MARK1: variants seen among roughly 807,000 people sequenced by gnomAD.
MARK1 encodes microtubule affinity regulating kinase 1, also known as serine/threonine-protein kinase MARK1.
MARK1 carries 40 observed loss-of-function variants against 96.3 expected under a neutral mutation model. The ratio of observed to expected loss-of-function variants is 0.42; its 90% confidence interval spans 0.32 to 0.54. MARK1 has a LOEUF of 0.54. MARK1 is among the 20% of genes least tolerant of loss of function. The pLI, the probability that MARK1 is intolerant of heterozygous loss-of-function variation, is 0.16. For synonymous variants in MARK1, 317 were observed against 341.2 expected (o/e 0.93, Z 0.78); for missense variants, 719 against 984.6 (o/e 0.73, Z 3.61).
intron 3 of MARK1, among the ~76,000 whole-genome samples, chr1:220,592,211 GATTATATCAT>G (rs1250467047): frequency 1.5e-5 from 2 of 130,790 alleles, no homozygotes; most frequent in East Asian, 4.6e-4. Context: ...TCACTGTCAT[GATTATATCAT>G]ATTATATTAT....
chr1:220,663,779 G>T lies in MARK1; in HGVS notation c.*1613G>T, dbSNP rs1422240186. The T allele has an allele frequency of 1.3e-5, 2 of 151,168 alleles. No individual in the cohort carries two copies. Among genetic ancestry groups the T allele is most frequent in the Non-Finnish European group, 3.0e-5 (2 of 67,786 alleles). The allele number at this position is 151,168 out of a possible 1,614,324, so 9.4% of individuals were successfully genotyped here. A position where few individuals can be genotyped will look rare whatever the true frequency, so the allele number is the denominator to read the frequency against. The stretch of plus-strand genomic sequence containing the variant: ...TGAGTTTTTTTTTTGCCTTAGCAAA[G>T]GGTGGTGTTTGAAAAAAAAAATGTG... On this transcript the variant is annotated 3_prime_UTR_variant, in exon 18 of 18. Coordinates refer to ENST00000366917, the MANE Select transcript of MARK1 (RefSeq NM_018650.5).
At chr1:220,548,918 T>C (rs1446957403) in intron 1 of MARK1, among the ~76,000 whole-genome samples, 1 of 152,190 alleles carries the variant, frequency 6.6e-6, no homozygotes, top group Non-Finnish European at 1.5e-5. Flanking sequence ...AGGTAAGTGT[T>C]TTCTTTTATT....
At position 220,642,504 on chromosome 1, in the gene MARK1, TG is replaced by T. The variant is rs567742306; in HGVS notation, c.1470+6484del. ...TCTCATCTCCCTGAGACAGAGCACC[TG>T]GGGGGAGGGGCAGCTGTGGTCTCAG... On this transcript the variant is annotated intron_variant, in intron 13 of 17. Coordinates refer to ENST00000366917, the MANE Select transcript of MARK1 (RefSeq NM_018650.5). 1.2e-4 allele frequency among the ~76,000 whole-genome samples: 19 copies of T among 152,234 alleles called. 1 individual carries two copies. In the South Asian group the frequency reaches 3.9e-3, roughly 32 times the overall value.
At chr1:220,631,201 A>T in intron 10 of MARK1, 67 bp downstream of exon 10, 1 of 1,022,930 alleles carries the variant, frequency 9.8e-7, no homozygotes, top group South Asian at 1.4e-5. Context: ...TAGTGTGCCA[A>T]AATAGTGTTT....
intron 9 of MARK1, chr1:220,626,452 A>G (rs748434185): frequency 2.0e-5 from 11 of 541,798 alleles, no homozygotes; most frequent in Admixed American, 3.8e-5. Context: ...CTATGAGGCC[A>G]TTTCAAGTTC....
chr1:220,564,793 A>G (rs948200099), intron 1 of MARK1, among the ~76,000 whole-genome samples: 1 of 152,226 alleles, frequency 6.6e-6, no homozygotes, highest in South Asian at 2.1e-4. Flanking sequence ...GTTAAATTCA[A>G]CAATTCAACT....
At chr1:220,638,064 A>G (rs1404041398) in intron 13 of MARK1, among the ~76,000 whole-genome samples, 1 of 151,856 alleles carries the variant, frequency 6.6e-6, no homozygotes, top group African/African-American at 2.4e-5. Context: ...GGATAAAACC[A>G]CTTAGCTTCT....
chr1:220,602,191 A>G (rs1033546366), intron 5 of MARK1, among the ~76,000 whole-genome samples: 1 of 152,220 alleles, frequency 6.6e-6, no homozygotes, highest in African/African-American at 2.4e-5. Flanking sequence ...CTGGTTCACT[A>G]ATGGAATGAA....
At chr1:220,632,419 C>T (rs867804298) in intron 11 of MARK1, 106 bp downstream of exon 11, 2 of 503,410 alleles carry the variant, frequency 4.0e-6, no homozygotes, top group Admixed American at 6.8e-5. Flanking sequence ...CCTACCCTAA[C>T]ATTCTTATTT....
intron 13 of MARK1, among the ~76,000 whole-genome samples, chr1:220,647,657 T>C (rs1668654650): frequency 1.3e-5 from 2 of 152,160 alleles, no homozygotes; most frequent in Non-Finnish European, 2.9e-5. Flanking sequence ...TGCCCATCAA[T>C]GATAGACTGG....
At chr1:220,619,799 T>C (rs1666955193) in intron 9 of MARK1, among the ~76,000 whole-genome samples, 1 of 152,194 alleles carries the variant, frequency 6.6e-6, no homozygotes, top group African/African-American at 2.4e-5. Flanking sequence ...CTAAGATAAT[T>C]TCAGAGATTC....
At chr1:220,661,560 C>T (rs971732610) in intron 17 of MARK1, among the ~76,000 whole-genome samples, 6 of 152,146 alleles carry the variant, frequency 3.9e-5, no homozygotes, top group African/African-American at 1.4e-4. Flanking sequence ...ACTTGTTTCC[C>T]TCAAACCACT....
At chr1:220,556,541 G>T (rs1042998312) in intron 1 of MARK1, among the ~76,000 whole-genome samples, 11 of 145,658 alleles carry the variant, frequency 7.6e-5, no homozygotes, top group African/African-American at 2.5e-4. Flanking sequence ...CTAACCACTT[G>T]TGGAGAGAGT....
chr1:220,655,017 G>A (rs1179471441), intron 16 of MARK1, among the ~76,000 whole-genome samples: 7 of 152,174 alleles, frequency 4.6e-5, no homozygotes, highest in African/African-American at 7.2e-5. Context: ...CTATTGCTAC[G>A]GCAGTGAGTG....
intron 3 of MARK1, among the ~76,000 whole-genome samples, chr1:220,592,666 T>C (rs1332167182): frequency 6.6e-6 from 1 of 152,216 alleles, no homozygotes; most frequent in Non-Finnish European, 1.5e-5. Context: ...TACTCATCAA[T>C]AGGAAATTAA....
chr1:220,637,373 T>C (rs545666581), intron 13 of MARK1, among the ~76,000 whole-genome samples: 1 of 152,080 alleles, frequency 6.6e-6, no homozygotes, highest in African/African-American at 2.4e-5. Flanking sequence ...TAGGAGTAAG[T>C]TTAAGAAATC....
At chr1:220,529,391 G>A (rs1372307454) in intron 1 of MARK1, among the ~76,000 whole-genome samples, 1 of 152,198 alleles carries the variant, frequency 6.6e-6, no homozygotes, top group African/African-American at 2.4e-5. Flanking sequence ...ACCAAAGCGA[G>A]AAGGATGGGA....
rs916520467 is a variant in MARK1 at position 220,528,603 on chromosome 1, C to A, written c.-220C>A. On this transcript the variant is annotated 5_prime_UTR_variant, in exon 1 of 18. Coordinates refer to ENST00000366917, the MANE Select transcript of MARK1 (RefSeq NM_018650.5). ...GCCCTCCCTCGTTACTGTCCGCATA[C>A]CCCGGCGGCGCCGCCGCGGGAAGCG... is the stretch of plus-strand genomic sequence containing the variant. The A allele has an allele frequency of 1.2e-5, 6 of 492,686 alleles. No homozygotes were observed. The highest frequency in any genetic ancestry group is 2.1e-5 in the Non-Finnish European group (6 of 280,724). 30.5% of individuals were successfully genotyped at this position (492,686 alleles called of 1,614,324 possible).
chr1:220,538,773 A>T (rs1310985942), intron 1 of MARK1, among the ~76,000 whole-genome samples: 2 of 152,120 alleles, frequency 1.3e-5, no homozygotes, highest in Non-Finnish European at 2.9e-5. Context: ...GTTCTTGAAG[A>T]GGTCCTTCAC....
Sources: allele counts gnomAD v4.1 joint callset (sites outside exome capture counted in the v4.1 genomes callset), GRCh38; gene constraint gnomAD v4.1.1; transcripts MANE v1.5; gene names NCBI Gene and HGNC (gene_info 2026-07-23, HGNC 2026-07-21).